Variants in WIPF1 observed in about 807,000 individuals in gnomAD.
The protein encoded by WIPF1 is WAS/WASL-interacting protein family member 1.
WIPF1 carries 13 observed loss-of-function variants against 35.4 expected under a neutral mutation model. That is an observed-to-expected ratio of 0.37 (90% confidence interval 0.24 to 0.58). The LOEUF (loss-of-function observed/expected upper bound fraction) is 0.58, where lower values mean the gene tolerates loss of function less well. Among genes scored for constraint, WIPF1 ranks in the 20% least tolerant of loss-of-function variants. The pLI is 0.74. For missense variants in WIPF1, 591 were observed against 667.0 expected (o/e 0.89, Z 1.25); for synonymous variants, 267 against 266.3 (o/e 1.00, Z -0.02).
At chr2:174,608,662 C>A (rs941016738) in intron 1 of WIPF1, among the ~76,000 whole-genome samples, 1 of 152,122 alleles carries the variant, frequency 6.6e-6, no homozygotes, top group African/African-American at 2.4e-5. Context: ...TGGTGGAAAG[C>A]CCCATTTTCA....
At chr2:174,566,927 G>T in intron 7 of WIPF1, 143 bp downstream of exon 7, 1 of 650,892 alleles carries the variant, frequency 1.5e-6, no homozygotes, top group Admixed American at 3.1e-5. Flanking sequence ...ACTGCCTGTG[G>T]AAGGGGAATT....
chr2:174,627,433 CCTTTCTCTTTCTTTCCTTT>C (rs1225209455), intron 1 of WIPF1, among the ~76,000 whole-genome samples: 1 of 144,952 alleles, frequency 6.9e-6, no homozygotes, highest in African/African-American at 2.8e-5. Context: ...TTCTTTCTTT[CCTTTCTCTTTCTTTCCTTT>C]CTTTCTTCCT....
At chr2:174,586,729 C>T (rs1204943389) in intron 1 of WIPF1, among the ~76,000 whole-genome samples, 1 of 152,220 alleles carries the variant, frequency 6.6e-6, no homozygotes, top group Non-Finnish European at 1.5e-5. Context: ...GCTTCTCCCA[C>T]CCCATCCTTG....
chr2:174,562,566 A>G lies in WIPF1; in HGVS notation c.1493T>C (p.Leu498Pro). Residue 498 changes from leucine to proline, a missense_variant, in exon 8 of 8, where the codon CTC (leucine) becomes CCC (proline). Transcript: ENST00000679041. ...SNRRERGAPPLPPIPR is the reference protein window; with the variant it reads ...SNRRERGAPPPPPIPR ...CAAAGATCACCTCGGGATGGGAGGG[A>G]GTGGTGGAGCACCCCTTTCTCTTCG... 1.2e-6 allele frequency: 2 copies of G among 1,614,156 alleles called. No individual in the cohort carries two copies. The highest frequency in any genetic ancestry group is 1.7e-6 in the Non-Finnish European group (2 of 1,180,024).
intron 5 of WIPF1, 102 bp from the exon 6 acceptor site, chr2:174,568,175 C>T: frequency 7.6e-7 from 1 of 1,310,976 alleles, no homozygotes; most frequent in Non-Finnish European, 1.0e-6. Context: ...GACACATGCC[C>T]TTTAATTAGG....
chr2:174,630,206 T>C (rs1016925406), intron 1 of WIPF1, among the ~76,000 whole-genome samples: 3 of 152,238 alleles, frequency 2.0e-5, no homozygotes, highest in Non-Finnish European at 4.4e-5. Context: ...ATGAGTTAAC[T>C]TAAAATATGT....
At chr2:174,570,683 C>T (rs1684799302) in intron 5 of WIPF1, 1 of 152,052 alleles carries the variant, frequency 6.6e-6, no homozygotes, top group South Asian at 2.1e-4. Context: ...TTTAAAGCTC[C>T]GCAGATGATT....
intron 1 of WIPF1, among the ~76,000 whole-genome samples, chr2:174,682,578 C>A (rs1024453183): frequency 1.3e-5 from 2 of 151,938 alleles, no homozygotes; most frequent in Non-Finnish European, 2.9e-5. Flanking sequence ...CCTGGAATTG[C>A]GCCCCTCCCG....
chr2:174,599,590 AT>A (rs556930905), upstream of WIPF1, among the ~76,000 whole-genome samples: 7 of 152,300 alleles, frequency 4.6e-5, no homozygotes, highest in South Asian at 1.4e-3. Flanking sequence ...GCCTACAGCT[AT>A]CAGCCACTTC....
chr2:174,581,548 G>T, intron 2 of WIPF1, 109 bp from the exon 3 acceptor site: 2 of 1,406,786 alleles, frequency 1.4e-6, no homozygotes, highest in Non-Finnish European at 1.9e-6. Flanking sequence ...AAGGTTCTTG[G>T]TGATAGGTTG....
chr2:174,679,040 T>C (rs192715087), intron 1 of WIPF1, among the ~76,000 whole-genome samples: 44 of 152,360 alleles, frequency 2.9e-4, no homozygotes, highest in African/African-American at 9.9e-4. Context: ...GTAATGCTAA[T>C]GCTAATAATA....
At chr2:174,626,204 A>G (rs1686827133) in intron 1 of WIPF1, among the ~76,000 whole-genome samples, 1 of 152,186 alleles carries the variant, frequency 6.6e-6, no homozygotes. Context: ...AGAATTATGG[A>G]ATCATTAAGT....
In WIPF1 at chr2:174,571,335, G is replaced by A; in HGVS notation, c.1129+341C>T. The A allele has an allele frequency of 5.8e-6, 3 of 517,950 alleles. No homozygotes were observed. The highest frequency in any genetic ancestry group is 1.0e-5 in the Non-Finnish European group (3 of 294,270). The allele number at this position is 517,950 out of a possible 1,614,324, so 32.1% of individuals were successfully genotyped here. On this transcript the variant is annotated intron_variant, in intron 5 of 7. Transcript: ENST00000679041. This position sits in a 1 kb window ranked among gnomAD's most constrained non-coding sequence, Gnocchi z 4.6. ...GGGACTTATTTTCCCAATTAAGACCGCCGAAATTCTCTCTAGGGAGGCAGG... is the reference window on the plus strand; with the variant it reads ...GGGACTTATTTTCCCAATTAAGACCACCGAAATTCTCTCTAGGGAGGCAGG...
intron 1 of WIPF1, among the ~76,000 whole-genome samples, chr2:174,588,000 AT>A (rs1361877194): frequency 6.6e-6 from 1 of 152,212 alleles, no homozygotes; most frequent in Non-Finnish European, 1.5e-5. Context: ...ATAGGGCCAC[AT>A]GGGCATTGTG....
At chr2:174,651,037 A>G (rs975402439) in intron 1 of WIPF1, among the ~76,000 whole-genome samples, 1 of 152,240 alleles carries the variant, frequency 6.6e-6, no homozygotes, top group African/African-American at 2.4e-5. Flanking sequence ...AAGAATAAAA[A>G]GTTTTCTCCA....
intron 1 of WIPF1, among the ~76,000 whole-genome samples, chr2:174,637,801 CA>C (rs1004894542): frequency 4.0e-5 from 6 of 151,878 alleles, no homozygotes; most frequent in African/African-American, 1.2e-4. Context: ...AAACAAAAAA[CA>C]AAAAAAACCC....
intron 4 of WIPF1, among the ~76,000 whole-genome samples, chr2:174,573,898 T>C (rs1461257690): frequency 6.6e-6 from 1 of 151,574 alleles, no homozygotes; most frequent in Non-Finnish European, 1.5e-5. Flanking sequence ...CTTCTTTTTT[T>C]TTTTTTTTTT....
At chr2:174,567,255 A>G in intron 6 of WIPF1, 72 bp from the exon 7 acceptor site, 1 of 1,344,534 alleles carries the variant, frequency 7.4e-7, no homozygotes, top group Non-Finnish European at 1.1e-6. Context: ...CGAAAGGCAC[A>G]GAATGAAAGA....
At position 174,572,271 on chromosome 2, in the gene WIPF1, T is replaced by C; in HGVS notation, c.534A>G (p.Ser178=). The C allele has an allele frequency of 1.2e-6, 2 of 1,614,100 alleles. No individual in the cohort carries two copies. The highest frequency in any genetic ancestry group is 1.7e-6 in the Non-Finnish European group (2 of 1,180,020). The part of the protein sequence containing the change: ...RMPPPRPDVG[S]KPDSIPPPVP... ...CTGGAGGAGGAATGCTATCAGGCTT[T>C]GAGCCCACGTCGGGCCTTGGGGGCG... Residue 178 remains serine, a synonymous_variant, in exon 5 of 8, where the codon TCA becomes TCG. Transcript: ENST00000679041.
Sources: gnomAD v4.1 joint callset for allele counts (sites outside exome capture counted in the v4.1 genomes callset) on GRCh38, gnomAD v4.1.1 for gene constraint, Gnocchi (gnomAD v3.1) non-coding constraint, MANE v1.5 for transcripts, NCBI Gene and HGNC (gene_info 2026-07-23, HGNC 2026-07-21) for gene names.